CARMIL1: variants seen among roughly 807,000 people sequenced by gnomAD.
CARMIL1 encodes F-actin-uncapping protein LRRC16A.
Under a neutral mutation model 177.1 loss-of-function variants are expected in CARMIL1, and 90 were observed. The ratio of observed to expected loss-of-function variants is 0.51; its 90% CI spans 0.43 to 0.61. The LOEUF is 0.61. Ranked by LOEUF, CARMIL1 falls within the 20% of genes least tolerant of loss-of-function variation. The pLI is 0.00. For synonymous variants in CARMIL1, 577 were observed against 606.2 expected (o/e 0.95, Z 0.71); for missense variants, 1,380 against 1,667.0 (o/e 0.83, Z 3.00).
chr6:25,441,337 A>ATGTGTGTGTGTGTGTG (rs1554196401), intron 5 of CARMIL1, among the ~76,000 whole-genome samples: 1,459 of 94,478 alleles, frequency 0.015, 26 homozygotes, highest in East Asian at 0.045. Flanking sequence ...ATATATATAT[A>ATGTGTGTGTGTGTGTG]TGTGTGTGTG....
At chr6:25,290,944 G>A (rs1781912551) in intron 2 of CARMIL1, among the ~76,000 whole-genome samples, 1 of 151,982 alleles carries the variant, frequency 6.6e-6, no homozygotes, top group African/African-American at 2.4e-5. Context: ...GGGACTACAG[G>A]CACATGCCAC....
intron 2 of CARMIL1, among the ~76,000 whole-genome samples, chr6:25,410,844 A>G (rs1794838607): frequency 6.6e-6 from 1 of 152,172 alleles, no homozygotes; most frequent in Non-Finnish European, 1.5e-5. Flanking sequence ...GCTTGAAACT[A>G]AGAATAAGCC....
chr6:25,596,749 T>C (rs982981165), intron 32 of CARMIL1, among the ~76,000 whole-genome samples: 4 of 152,144 alleles, frequency 2.6e-5, no homozygotes, highest in African/African-American at 7.2e-5. Context: ...CAATGAGCAT[T>C]TCTTTTGAGC....
intron 16 of CARMIL1, among the ~76,000 whole-genome samples, chr6:25,497,279 G>A (rs1340656866): frequency 6.6e-6 from 1 of 152,166 alleles, no homozygotes; most frequent in Non-Finnish European, 1.5e-5. Context: ...GCTTACATAT[G>A]GCCTGTCACC....
At chr6:25,482,511 A>G (rs1442529942) in intron 12 of CARMIL1, among the ~76,000 whole-genome samples, 168 bp downstream of exon 12, 1 of 152,182 alleles carries the variant, frequency 6.6e-6, no homozygotes, top group Non-Finnish European at 1.5e-5. Context: ...ATGTAATTCA[A>G]TTTTTGATGC....
intron 2 of CARMIL1, among the ~76,000 whole-genome samples, chr6:25,314,854 A>G (rs1784149567): frequency 6.6e-6 from 1 of 152,146 alleles, no homozygotes; most frequent in Non-Finnish European, 1.5e-5. Flanking sequence ...GTATATACTA[A>G]TTTGCTTCAG....
At chr6:25,451,883 G>T (rs1270549705) in intron 8 of CARMIL1, among the ~76,000 whole-genome samples, 1 of 151,548 alleles carries the variant, frequency 6.6e-6, no homozygotes, top group Non-Finnish European at 1.5e-5. Flanking sequence ...TTGGAATTGG[G>T]AGAGAAATCT....
intron 9 of CARMIL1, among the ~76,000 whole-genome samples, chr6:25,470,909 A>T (rs1012734885): frequency 2.0e-5 from 3 of 152,130 alleles, no homozygotes; most frequent in African/African-American, 7.2e-5. Context: ...AGGTCGGGGG[A>T]CACAAACTCT....
chr6:25,420,374 C>G, intron 3 of CARMIL1: 1 of 557,156 alleles, frequency 1.8e-6, no homozygotes, highest in East Asian at 3.0e-5. Context: ...TTCCCAGAAG[C>G]ACCTAAAGGC....
chr6:25,376,600 T>C (rs1791008898), intron 2 of CARMIL1, among the ~76,000 whole-genome samples: 2 of 152,332 alleles, frequency 1.3e-5, no homozygotes, highest in Admixed American at 6.5e-5. Flanking sequence ...TAGATGCTGG[T>C]TGTAGTAGCA....
intron 2 of CARMIL1, among the ~76,000 whole-genome samples, chr6:25,307,177 G>A (rs936196717): frequency 1.3e-5 from 2 of 152,156 alleles, no homozygotes; most frequent in African/African-American, 2.4e-5. Flanking sequence ...CACCGCGCCC[G>A]GTCGCCCTGG....
At chr6:25,280,148 G>C (rs1227093465) in intron 1 of CARMIL1, among the ~76,000 whole-genome samples, 2 of 152,224 alleles carry the variant, frequency 1.3e-5, no homozygotes, top group Non-Finnish European at 2.9e-5. Context: ...GCGAAAGAAG[G>C]GGGCGGGCCA....
At chr6:25,507,681 A>G (rs1464615164) in intron 17 of CARMIL1, among the ~76,000 whole-genome samples, 1 of 152,250 alleles carries the variant, frequency 6.6e-6, no homozygotes, top group Non-Finnish European at 1.5e-5. Context: ...TTACAATGAT[A>G]GAACATAGAA....
At chr6:25,556,963 C>T (rs990557192) in intron 29 of CARMIL1, 113 bp downstream of exon 29, 3 of 1,070,246 alleles carry the variant, frequency 2.8e-6, no homozygotes, top group South Asian at 2.9e-5. Flanking sequence ...AACACTGTCC[C>T]CACCCTCAGA....
intron 2 of CARMIL1, among the ~76,000 whole-genome samples, chr6:25,344,133 C>G (rs980492670): frequency 6.6e-6 from 1 of 152,202 alleles, no homozygotes. Flanking sequence ...TCTTGATCCT[C>G]TCATCACCGG....
chr6:25,597,707 G>A (rs779476609), intron 32 of CARMIL1, among the ~76,000 whole-genome samples: 6 of 151,874 alleles, frequency 4.0e-5, no homozygotes, highest in Admixed American at 1.3e-4. Flanking sequence ...CCTTCACCTC[G>A]TCTCTGTGTC....
rs138116170 is a variant in CARMIL1, at chr6:25,382,910, C to G, written c.139-37204C>G. Among the ~76,000 whole-genome samples the G allele has an allele frequency of 1.8e-4, 28 of 152,330 alleles. No individual in the cohort carries two copies. The East Asian group carries it at 5.2e-3, about 28-fold the overall frequency. On this transcript the variant is annotated intron_variant, in intron 2 of 36. Transcript: ENST00000329474. ...TGGGCCTCCCAAAGTGCTGGGATTA[C>G]AGGCATGAGCCACAATGCCTGGCCT...
In CARMIL1 at chr6:25,556,822, A is replaced by C; in HGVS notation, c.2714A>C (p.Glu905Ala). Residue 905 changes from glutamate to alanine, a missense_variant, in exon 29 of 37, where the codon GAG (glutamate) becomes GCG (alanine). Physicochemically the swap from Glu to Ala is moderately radical, Grantham distance 107. Coordinates refer to ENST00000329474, the MANE Select transcript of CARMIL1 (RefSeq NM_017640.6). ...ACAGTGGAGGAGCTAACAGAGATAG[A>C]GCGTTTGGAAGATCTGGATACCTGT... ...IITVEELTEI[E>A]RLEDLDTCMM... is the part of the protein sequence containing the mutation. 1 of 1,613,274 alleles carries C rather than the reference A, an allele frequency of 6.2e-7. No homozygotes were observed. Among genetic ancestry groups the C allele is most frequent in the Non-Finnish European group, 8.5e-7 (1 of 1,179,578 alleles).
At chr6:25,488,203 A>C (rs1802857405) in intron 12 of CARMIL1, among the ~76,000 whole-genome samples, 1 of 152,226 alleles carries the variant, frequency 6.6e-6, no homozygotes, top group African/African-American at 2.4e-5. Flanking sequence ...CTTCAGATTA[A>C]AATCCTTTCT....
Sources: allele counts gnomAD v4.1 joint callset (sites outside exome capture counted in the v4.1 genomes callset), GRCh38; gene constraint gnomAD v4.1.1; transcripts MANE v1.5; gene names NCBI Gene and HGNC (gene_info 2026-07-23, HGNC 2026-07-21).